Variants in SLC9A9 observed in about 807,000 individuals in gnomAD.
SLC9A9 encodes solute carrier family 9 member A9, also known as sodium/hydrogen exchanger 9.
A neutral mutation model predicts 77.8 loss-of-function variants in SLC9A9; 62 were observed. The observed-to-expected ratio is 0.80, with a 90% CI of 0.65 to 0.98. The LOEUF is 0.98. SLC9A9 is among the 50% of genes least tolerant of loss of function. The probability of loss-of-function intolerance (pLI) is 0.00; values close to 1 mark genes in which losing one functional copy is unlikely to be tolerated. For missense variants in SLC9A9, 775 were observed against 774.9 expected (o/e 1.00, Z 0.00); for synonymous variants, 320 against 283.5 (o/e 1.13, Z -1.29).
intron 10 of SLC9A9, among the ~76,000 whole-genome samples, chr3:143,494,111 G>A (rs548856105): frequency 1.3e-5 from 2 of 152,222 alleles, no homozygotes; most frequent in Admixed American, 1.3e-4. Context: ...AGATGCTGTG[G>A]CATTATCTTC....
chr3:143,651,742 G>A (rs985558588), intron 6 of SLC9A9, among the ~76,000 whole-genome samples: 1 of 152,212 alleles, frequency 6.6e-6, no homozygotes, highest in Non-Finnish European at 1.5e-5. Flanking sequence ...CTGGTGCTGA[G>A]CTGAAGCTCC....
chr3:143,397,879 A>C (rs1232233319), intron 12 of SLC9A9, among the ~76,000 whole-genome samples: 2 of 152,218 alleles, frequency 1.3e-5, no homozygotes, highest in Non-Finnish European at 2.9e-5. Flanking sequence ...TAAGGGGGGA[A>C]TGCATAGAAC....
intron 14 of SLC9A9, among the ~76,000 whole-genome samples, chr3:143,275,968 G>A (rs1285696527): frequency 6.6e-6 from 1 of 152,180 alleles, no homozygotes; most frequent in Non-Finnish European, 1.5e-5. Context: ...TTTTCACAGT[G>A]TGAAATATGG....
intron 6 of SLC9A9, among the ~76,000 whole-genome samples, chr3:143,643,893 G>A (rs1416697091): frequency 2.0e-5 from 3 of 151,292 alleles, no homozygotes; most frequent in Non-Finnish European, 4.4e-5. Flanking sequence ...GCTTATGGGT[G>A]ATCTTCTGAT....
intron 14 of SLC9A9, among the ~76,000 whole-genome samples, chr3:143,274,653 A>C (rs1329431357): frequency 6.6e-6 from 1 of 152,230 alleles, no homozygotes; most frequent in Admixed American, 6.5e-5. Context: ...TATAGATCTC[A>C]TGAGTTCTTA....
intron 2 of SLC9A9, 147 bp downstream of exon 2, chr3:143,831,872 C>A: frequency 1.4e-6 from 1 of 725,354 alleles, no homozygotes; most frequent in Non-Finnish European, 2.2e-6. Flanking sequence ...GGTTTGACTC[C>A]TTAGTCAATT....
At chr3:143,803,048 T>A (rs1431215484) in intron 2 of SLC9A9, among the ~76,000 whole-genome samples, 5 of 152,170 alleles carry the variant, frequency 3.3e-5, no homozygotes, top group African/African-American at 1.2e-4. Context: ...AATCAGTTCT[T>A]GTTAAGAATC....
At chr3:143,689,825 G>T (rs1196099645) in intron 5 of SLC9A9, among the ~76,000 whole-genome samples, 1 of 152,072 alleles carries the variant, frequency 6.6e-6, no homozygotes, top group Admixed American at 6.6e-5. Flanking sequence ...GCATGTTTGT[G>T]TATTTGCTTA....
intron 6 of SLC9A9, among the ~76,000 whole-genome samples, chr3:143,625,524 C>G (rs566098301): frequency 1.3e-5 from 2 of 152,296 alleles, no homozygotes; most frequent in Admixed American, 6.5e-5. Flanking sequence ...AAAAGATTCC[C>G]TATTTAATAA....
At chr3:143,454,394 C>T (rs535956203) in intron 12 of SLC9A9, among the ~76,000 whole-genome samples, 206 of 152,190 alleles carry the variant, frequency 1.4e-3, no homozygotes, top group African/African-American at 4.9e-3. Context: ...ATCTAAGAAT[C>T]CTTTGCCTAA....
chr3:143,399,807 T>TAA (rs1466804682), intron 12 of SLC9A9, among the ~76,000 whole-genome samples: 1 of 152,170 alleles, frequency 6.6e-6, no homozygotes, highest in Non-Finnish European at 1.5e-5. Context: ...ATCGACATCC[T>TAA]AAAAGCAGGG....
chr3:143,701,958 C>T (rs1020090811), intron 4 of SLC9A9, among the ~76,000 whole-genome samples: 1 of 152,188 alleles, frequency 6.6e-6, no homozygotes, highest in Non-Finnish European at 1.5e-5. Flanking sequence ...TCCAATATGT[C>T]TGGCAGCAGA....
chr3:143,553,400 T>C (rs889067441), intron 8 of SLC9A9, among the ~76,000 whole-genome samples: 23 of 152,104 alleles, frequency 1.5e-4, no homozygotes, highest in Non-Finnish European at 2.2e-4. Context: ...TTGGGAAAAA[T>C]GCAAGATATA....
At chr3:143,273,065 T>C (rs938579575) in intron 14 of SLC9A9, among the ~76,000 whole-genome samples, 2 of 152,274 alleles carry the variant, frequency 1.3e-5, no homozygotes, top group Non-Finnish European at 2.9e-5. Flanking sequence ...CATTGATTGA[T>C]CTTTTGTTGT....
intron 14 of SLC9A9, among the ~76,000 whole-genome samples, chr3:143,308,531 G>T (rs528413137): frequency 6.6e-6 from 1 of 151,448 alleles, no homozygotes; most frequent in African/African-American, 2.4e-5. Context: ...AGCCGAGATC[G>T]CACCACTGCA....
chr3:143,304,897 T>C (rs1210663844), intron 14 of SLC9A9, among the ~76,000 whole-genome samples: 1 of 152,162 alleles, frequency 6.6e-6, no homozygotes, highest in Non-Finnish European at 1.5e-5. Flanking sequence ...AGCACCCCTA[T>C]ACACTTTTCT....
At chr3:143,464,714 A>C (rs2035255427) in intron 12 of SLC9A9, among the ~76,000 whole-genome samples, 1 of 152,164 alleles carries the variant, frequency 6.6e-6, no homozygotes, top group Non-Finnish European at 1.5e-5. Context: ...TAGAAATACA[A>C]ATTCTCAGGC....
chr3:143,336,882 C>T (rs955098473), intron 14 of SLC9A9, among the ~76,000 whole-genome samples: 6 of 151,984 alleles, frequency 3.9e-5, no homozygotes, highest in Admixed American at 1.3e-4. Context: ...GTAATTTTTA[C>T]GTGCTTTTTA....
chr3:143,576,783 G>GA (rs1388656798), intron 7 of SLC9A9, among the ~76,000 whole-genome samples: 3 of 152,176 alleles, frequency 2.0e-5, no homozygotes, highest in Non-Finnish European at 4.4e-5. Flanking sequence ...GACACTCATG[G>GA]AAAACACGTC....
Sources: allele counts gnomAD v4.1 joint callset (sites outside exome capture counted in the v4.1 genomes callset), GRCh38; gene constraint gnomAD v4.1.1; transcripts MANE v1.5; gene names NCBI Gene and HGNC (gene_info 2026-07-23, HGNC 2026-07-21).